The following SOAT1 variants were observed in gnomAD, a reference collection of about 807,000 sequenced individuals.
The protein encoded by SOAT1 is sterol O-acyltransferase 1.
A neutral mutation model predicts 69.5 loss-of-function variants in SOAT1; 55 were observed. The ratio of observed to expected loss-of-function variants is 0.79; its 90% CI spans 0.64 to 0.99. SOAT1 has a LOEUF of 0.99. Ranked by LOEUF, SOAT1 falls within the 50% of genes least tolerant of loss-of-function variation. SOAT1 has a pLI of 0.00. For synonymous variants in SOAT1, 231 were observed against 224.7 expected, an observed-to-expected ratio of 1.03 and a Z score of -0.25; for missense variants, 580 against 669.3, an observed-to-expected ratio of 0.87 and a Z score of 1.47.
Position 179,315,199 on chromosome 1 carries a change from G to A in SOAT1, c.119-8238G>A, listed in dbSNP as rs970690760. On this transcript the variant is annotated intron_variant, in intron 2 of 15. Coordinates refer to ENST00000367619, the MANE Select transcript of SOAT1 (RefSeq NM_003101.6). ...GTGGCTCATCCTTGTAATCCCAACA[G>A]TTTCAGAGGCCAAGGCATGAGGATT... Among the ~76,000 whole-genome samples, 9 of 152,144 alleles carry A rather than the reference G, an allele frequency of 5.9e-5. 1 individual carries two copies. In the East Asian group the frequency reaches 1.7e-3, roughly 29 times the overall value.
Position 179,308,196 on chromosome 1 carries a change from A to G in SOAT1, c.118+5394A>G, listed in dbSNP as rs141370064. Reference sequence around the variant, plus strand: ...ATATCAACTGAGAATTATAATCTACATGAAATCCTCTAATATTCCTACCAG... The same window carrying G: ...ATATCAACTGAGAATTATAATCTACGTGAAATCCTCTAATATTCCTACCAG... On this transcript the variant is annotated intron_variant, in intron 2 of 15. Coordinates refer to ENST00000367619, the MANE Select transcript of SOAT1 (RefSeq NM_003101.6). Among the ~76,000 whole-genome samples the G allele has an allele frequency of 6.0e-4, 92 of 152,336 alleles. No homozygotes were observed. The East Asian group carries it at 0.015, about 25-fold the overall frequency.
At chr1:179,303,779 T>G (rs1664913552) in intron 2 of SOAT1, among the ~76,000 whole-genome samples, 1 of 152,186 alleles carries the variant, frequency 6.6e-6, no homozygotes, top group South Asian at 2.1e-4. Context: ...CAAAGGAGGA[T>G]GAGCCAATAC....
Position 179,315,718 on chromosome 1 carries a change from C to T in SOAT1, c.119-7719C>T, listed in dbSNP as rs189346590. Among the ~76,000 whole-genome samples, 235 of 152,286 alleles carry T rather than the reference C, an allele frequency of 1.5e-3. 1 individual carries two copies. The highest frequency in any genetic ancestry group is 5.5e-3 in the African/African-American group (227 of 41,556). On this transcript the variant is annotated intron_variant, in intron 2 of 15. Coordinates refer to ENST00000367619, the MANE Select transcript of SOAT1 (RefSeq NM_003101.6). ...CTTTTTTCTAACTTTCCAGTGGCTG[C>T]ATCTCAAAGCCTGTTTGTAATGATG...
intron 1 of SOAT1, among the ~76,000 whole-genome samples, chr1:179,299,322 C>G (rs188510810): frequency 6.6e-6 from 1 of 152,294 alleles, no homozygotes; most frequent in East Asian, 1.9e-4. Context: ...GAGGATAATA[C>G]TTATCTAAGG....
At chr1:179,347,553 T>C in intron 11 of SOAT1, 47 bp from the exon 12 acceptor site, 1 of 1,047,648 alleles carries the variant, frequency 9.5e-7, no homozygotes, top group Non-Finnish European at 1.5e-6. Context: ...TTGCTTGGTA[T>C]GTGAGCTATT....
At chr1:179,316,552 AC>A (rs1176056214) in intron 2 of SOAT1, among the ~76,000 whole-genome samples, 1 of 152,052 alleles carries the variant, frequency 6.6e-6, no homozygotes, top group Non-Finnish European at 1.5e-5. Context: ...ATGTGCCACC[AC>A]GCCAGCTAAT....
intron 3 of SOAT1, among the ~76,000 whole-genome samples, chr1:179,327,707 T>A (rs1176616269): frequency 6.6e-6 from 1 of 152,338 alleles, no homozygotes; most frequent in East Asian, 1.9e-4. Flanking sequence ...CAAAGAACTC[T>A]GTGAAAAGTT....
At chr1:179,318,596 A>G (rs1473525116) in intron 2 of SOAT1, among the ~76,000 whole-genome samples, 1 of 152,176 alleles carries the variant, frequency 6.6e-6, no homozygotes, top group African/African-American at 2.4e-5. Flanking sequence ...CCCTGTACCC[A>G]TTAGCAGTTA....
At chr1:179,306,929 T>C (rs1341631231) in intron 2 of SOAT1, among the ~76,000 whole-genome samples, 2 of 151,756 alleles carry the variant, frequency 1.3e-5, no homozygotes, top group African/African-American at 4.8e-5. Flanking sequence ...AATAAAGACA[T>C]TTCCTTTTCA....
At chr1:179,350,508 C>T (rs1207607208) in intron 14 of SOAT1, 77 bp downstream of exon 14, 1 of 1,379,768 alleles carries the variant, frequency 7.2e-7, no homozygotes, top group Non-Finnish European at 1.0e-6. Flanking sequence ...ACTATAAAAT[C>T]AATGTAGGAG....
intron 4 of SOAT1, among the ~76,000 whole-genome samples, chr1:179,336,966 G>T (rs1236282683): frequency 6.7e-6 from 1 of 149,396 alleles, no homozygotes; most frequent in Non-Finnish European, 1.5e-5. Context: ...CTGCACTTCA[G>T]CCTGGGTGAC....
intron 2 of SOAT1, among the ~76,000 whole-genome samples, chr1:179,323,045 C>CTTTTTTTTTT (rs36045111): frequency 2.4e-5 from 3 of 126,726 alleles, no homozygotes; most frequent in Non-Finnish European, 3.2e-5. Context: ...TCTTTTCTTT[C>CTTTTTTTTTT]TTTTTTTTTT....
intron 3 of SOAT1, among the ~76,000 whole-genome samples, chr1:179,330,613 C>T (rs139796909): frequency 4.6e-5 from 7 of 152,186 alleles, no homozygotes; most frequent in African/African-American, 1.2e-4. Flanking sequence ...ATGAATTTCT[C>T]CCAGAGTTAG....
At chr1:179,335,772 T>C in intron 4 of SOAT1, 115 bp downstream of exon 4, 1 of 943,780 alleles carries the variant, frequency 1.1e-6, no homozygotes, top group Non-Finnish European at 1.6e-6. Flanking sequence ...TTCTATTGGC[T>C]GTGTGTTACA....
chr1:179,296,913 C>T (rs1355366523), intron 1 of SOAT1, among the ~76,000 whole-genome samples: 2 of 152,180 alleles, frequency 1.3e-5, no homozygotes, highest in African/African-American at 2.4e-5. Flanking sequence ...ATGCTTATCA[C>T]ACTGAACATT....
intron 3 of SOAT1, among the ~76,000 whole-genome samples, chr1:179,327,833 G>A (rs995114527): frequency 2.0e-5 from 3 of 152,152 alleles, no homozygotes; most frequent in African/African-American, 7.2e-5. Flanking sequence ...GATAACATGA[G>A]TGTGTTGAAA....
chr1:179,341,412 A>G, intron 7 of SOAT1, 102 bp downstream of exon 7: 1 of 1,138,134 alleles, frequency 8.8e-7, no homozygotes, highest in Non-Finnish European at 1.3e-6. Flanking sequence ...ATTAACTTGG[A>G]TAAATTTTCA....
chr1:179,307,616 A>G (rs1018165763), intron 2 of SOAT1, among the ~76,000 whole-genome samples: 15 of 151,938 alleles, frequency 9.9e-5, no homozygotes, highest in African/African-American at 3.6e-4. Context: ...TCAAAAAAAA[A>G]TAGGACTTGA....
At position 179,342,274 on chromosome 1, in the gene SOAT1, T is replaced by C. The variant is rs371040579; in HGVS notation, c.859+82T>C. On this transcript the variant is annotated intron_variant, in intron 8 of 15. Coordinates refer to ENST00000367619, the MANE Select transcript of SOAT1 (RefSeq NM_003101.6). ...CCCATTCCCTTCCCTTCCCTTCCCT[T>C]CTTTCCTTCTTTCCTTCCCTCCCTC... 1.9e-3 allele frequency: 1,238 copies of C among 658,006 alleles called. 16 individuals are homozygous for C. The African/African-American group carries it at 0.022, about 12-fold the overall frequency. The allele number at this position is 658,006 out of a possible 1,614,324, so 40.8% of individuals were successfully genotyped here. A position where few individuals can be genotyped will look rare whatever the true frequency, so the allele number is the denominator to read the frequency against.
Sources: allele counts gnomAD v4.1 joint callset (sites outside exome capture counted in the v4.1 genomes callset), GRCh38; gene constraint gnomAD v4.1.1; transcripts MANE v1.5; gene names NCBI Gene and HGNC (gene_info 2026-07-23, HGNC 2026-07-21).